The following MYOF variants were observed in gnomAD, a reference collection of about 807,000 sequenced individuals.
MYOF encodes myoferlin, also known as fer-1-like 3, myoferlin.
MYOF carries 244 observed loss-of-function variants against 284.2 expected under a neutral mutation model. The ratio of observed to expected loss-of-function variants is 0.86; its 90% CI spans 0.77 to 0.95. The LOEUF is 0.95. Ranked by LOEUF, MYOF falls within the 40% of genes least tolerant of loss-of-function variation. The pLI is 0.00. For missense variants in MYOF, 2,496 were observed against 2,560.6 expected (o/e 0.97, Z 0.54); for synonymous variants, 904 against 919.7 (o/e 0.98, Z 0.31).
Position 93,379,961 on chromosome 10 carries a change from C to A in MYOF, c.1903G>T (p.Ala635Ser). 6.2e-7 allele frequency: 1 copy of A among 1,613,840 alleles called. No individual in the cohort carries two copies. Among genetic ancestry groups the A allele is most frequent in the Non-Finnish European group, 8.5e-7 (1 of 1,179,872 alleles). Residue 635 changes from alanine to serine, a missense_variant, in exon 21 of 54, where the codon GCC becomes TCC. Ala to Ser is a moderately conservative substitution (Grantham distance 99). This residue lies in a region of MYOF where 2,436 missense variants were observed against 2,480.7 expected (regional missense o/e 0.98). Transcript: ENST00000359263. Reference protein sequence around the residue: ...DGNYYYYLPWAHTKPVVTLTS... With the variant: ...DGNYYYYLPWSHTKPVVTLTS... The stretch of plus-strand genomic sequence containing the variant: ...AGGGTAACAACTGGCTTGGTGTGGG[C>A]CCAAGGCAAGTAATAATAGTAGTTG...
chr10:93,411,783 C>A (rs1189524394), intron 5 of MYOF, among the ~76,000 whole-genome samples: 1 of 152,240 alleles, frequency 6.6e-6, no homozygotes, highest in African/African-American at 2.4e-5. Context: ...CTTCAAAAGT[C>A]AATCACCTCT....
intron 5 of MYOF, among the ~76,000 whole-genome samples, chr10:93,425,587 G>T (rs1848553442): frequency 6.6e-6 from 1 of 152,164 alleles, no homozygotes; most frequent in Non-Finnish European, 1.5e-5. Flanking sequence ...GCTGTTTGGG[G>T]ACAAGATGGG....
At chr10:93,462,087 C>T (rs550441517) in intron 1 of MYOF, among the ~76,000 whole-genome samples, 7,103 of 80,268 alleles carry the variant, frequency 0.088, 220 homozygotes, top group Middle Eastern at 0.14. Context: ...CATTGCTAAG[C>T]CCCCCACCTT....
At chr10:93,400,329 C>CTT (rs1163947322) in intron 12 of MYOF, among the ~76,000 whole-genome samples, 36 of 98,706 alleles carry the variant, frequency 3.6e-4, no homozygotes, top group African/African-American at 8.0e-4. Flanking sequence ...TCTTCTTCTT[C>CTT]TTTTTTTTTT....
chr10:93,356,996 AAAG>A, intron 29 of MYOF, 148 bp from the exon 30 acceptor site: 1 of 860,334 alleles, frequency 1.2e-6, no homozygotes, highest in Non-Finnish European at 1.7e-6. Context: ...GGAATACAGA[AAAG>A]AAAAAAACAG....
chr10:93,397,665 C>T (rs138873789), intron 13 of MYOF, among the ~76,000 whole-genome samples: 236 of 151,566 alleles, frequency 1.6e-3, no homozygotes, highest in African/African-American at 5.3e-3. Flanking sequence ...TGCTTTTAAC[C>T]TTTTTTTAAT....
At chr10:93,401,907 T>C (rs1436045495) in intron 11 of MYOF, among the ~76,000 whole-genome samples, 2 of 152,090 alleles carry the variant, frequency 1.3e-5, no homozygotes, top group Non-Finnish European at 2.9e-5. Flanking sequence ...GAATAATCAC[T>C]AACTATTTAG....
intron 41 of MYOF, among the ~76,000 whole-genome samples, chr10:93,335,434 A>G (rs966326582): frequency 6.6e-6 from 1 of 152,162 alleles, no homozygotes; most frequent in Admixed American, 6.5e-5. Flanking sequence ...ATTTGGTTGC[A>G]TGGAGGCTGG....
At chr10:93,323,766 G>A (rs972830299) in intron 46 of MYOF, 8 of 171,518 alleles carry the variant, frequency 4.7e-5, no homozygotes, top group South Asian at 1.8e-4. Flanking sequence ...TGGGTCCTTC[G>A]CCTTTAGCAG....
At chr10:93,426,030 TC>T (rs1848574811) in intron 5 of MYOF, 40 bp downstream of exon 5, 9 of 1,509,434 alleles carry the variant, frequency 6.0e-6, no homozygotes, top group African/African-American at 1.4e-5. Context: ...TTTAGCAGCC[TC>T]CCCCTGGGGG....
intron 37 of MYOF, among the ~76,000 whole-genome samples, chr10:93,344,349 T>C (rs1247966617): frequency 6.6e-6 from 1 of 152,144 alleles, no homozygotes; most frequent in Non-Finnish European, 1.5e-5. Context: ...TCTGAGATTG[T>C]AGTGCACCTG....
intron 3 of MYOF, among the ~76,000 whole-genome samples, chr10:93,441,501 C>T (rs924263646): frequency 2.0e-5 from 3 of 151,518 alleles, no homozygotes; most frequent in African/African-American, 7.3e-5. Flanking sequence ...TCTCCTGCCT[C>T]AGTCTCTGGA....
At chr10:93,451,369 A>G (rs142101025) in intron 3 of MYOF, among the ~76,000 whole-genome samples, 9 of 152,260 alleles carry the variant, frequency 5.9e-5, no homozygotes, top group African/African-American at 1.9e-4. Flanking sequence ...GAACTTGGTT[A>G]GTTTGAATTG....
At chr10:93,313,393 G>A (rs1328997805) in intron 50 of MYOF, among the ~76,000 whole-genome samples, 183 bp from the exon 51 acceptor site, 2 of 152,170 alleles carry the variant, frequency 1.3e-5, no homozygotes, top group South Asian at 2.1e-4. Flanking sequence ...GAAAATGGCC[G>A]AAGAAATAGC....
Position 93,335,955 on chromosome 10 carries a change from T to A in MYOF, c.4529A>T (p.Glu1510Val). The A allele has an allele frequency of 1.2e-6, 2 of 1,614,236 alleles. No individual in the cohort carries two copies. Among genetic ancestry groups the A allele is most frequent in the Non-Finnish European group, 1.7e-6 (2 of 1,180,048 alleles). Residue 1510 changes from glutamate (E) to valine (V), a missense_variant, in exon 41 of 54, where the codon GAA (glutamate) becomes GTA (valine). Coordinates refer to ENST00000359263, the MANE Select transcript of MYOF (RefSeq NM_013451.4). ...TCCAACCACAGAAGGATCTTCATTTTCATCCGACTTGCCTCGGTACAACTT... is the reference window on the plus strand; with the variant it reads ...TCCAACCACAGAAGGATCTTCATTTACATCCGACTTGCCTCGGTACAACTT... ...TFKLYRGKSDENEDPSVVGEF... is the reference protein window; with the variant it reads ...TFKLYRGKSDVNEDPSVVGEF...
intron 37 of MYOF, among the ~76,000 whole-genome samples, chr10:93,346,129 T>C (rs1489173510): frequency 6.6e-6 from 1 of 152,224 alleles, no homozygotes; most frequent in Non-Finnish European, 1.5e-5. Flanking sequence ...AAATGCTATT[T>C]TAGGCACCGT....
intron 53 of MYOF, 92 bp downstream of exon 53, chr10:93,309,925 ATTC>A: frequency 1.3e-6 from 2 of 1,485,932 alleles, no homozygotes; most frequent in Non-Finnish European, 1.8e-6. Context: ...TGAGCGGGTC[ATTC>A]TTCTGCACAG....
chr10:93,352,876 A>T (rs1026372458), intron 32 of MYOF, among the ~76,000 whole-genome samples: 1 of 152,174 alleles, frequency 6.6e-6, no homozygotes, highest in Non-Finnish European at 1.5e-5. Flanking sequence ...CCTGTTGGAG[A>T]TGTATATTGC....
chr10:93,426,884 CTTTTTT>C (rs1169014883), intron 4 of MYOF, among the ~76,000 whole-genome samples: 5 of 104,752 alleles, frequency 4.8e-5, no homozygotes, highest in Admixed American at 4.5e-4. Context: ...ACGAGACTGT[CTTTTTT>C]TTTTTTTTTT....
Sources: gnomAD v4.1 joint callset for allele counts (sites outside exome capture counted in the v4.1 genomes callset) on GRCh38, gnomAD v4.1.1 for gene constraint, gnomAD v4.1.1 regional missense constraint, MANE v1.5 for transcripts, NCBI Gene and HGNC (gene_info 2026-07-23, HGNC 2026-07-21) for gene names.